Variants in ABCC1 observed in about 807,000 individuals in gnomAD.
ABCC1 encodes multidrug resistance-associated protein 1.
In ABCC1, 83 loss-of-function variants were observed where a neutral mutation model predicts 172.9. The ratio of observed to expected loss-of-function variants is 0.48; its 90% confidence interval spans 0.40 to 0.58. The LOEUF (loss-of-function observed/expected upper bound fraction) is 0.58. ABCC1 is among the 20% of genes least tolerant of loss of function. The pLI is 0.00. For synonymous variants in ABCC1, 937 were observed against 825.2 expected (o/e 1.14, Z -2.32); for missense variants, 1,817 against 2,002.7 (o/e 0.91, Z 1.77).
At chr16:15,972,701 G>T (rs1263950862) in intron 1 of ABCC1, among the ~76,000 whole-genome samples, 1 of 151,136 alleles carries the variant, frequency 6.6e-6, no homozygotes, top group Admixed American at 6.6e-5. Context: ...TGAGCATTTG[G>T]TTTTATGCTT....
rs372462783 is a variant in ABCC1, at chr16:16,078,581, C to T, written c.1989-771C>T. Among the ~76,000 whole-genome samples the T allele has an allele frequency of 1.3e-4, 20 of 152,314 alleles. No homozygotes were observed. In the East Asian group the frequency reaches 2.5e-3, roughly 19 times the overall value. On this transcript the variant is annotated intron_variant, in intron 15 of 30. Transcript: ENST00000399410. ...ACTACCTACCTCAGTGCCATCGCAT[C>T]CCTGGTTACACCCTGTGCCTTCACC...
intron 6 of ABCC1, among the ~76,000 whole-genome samples, chr16:16,034,243 G>T (rs1240101450): frequency 6.6e-6 from 1 of 151,124 alleles, no homozygotes; most frequent in Non-Finnish European, 1.5e-5. Context: ...GCCCAGGCTG[G>T]TCTCCAGCTT....
chr16:16,129,071 G>A (rs925775505), intron 26 of ABCC1, among the ~76,000 whole-genome samples: 3 of 152,178 alleles, frequency 2.0e-5, no homozygotes. Context: ...CTCCTCTCCA[G>A]AGAGAGGCCC....
chr16:15,970,595 A>G (rs2046345086), intron 1 of ABCC1, among the ~76,000 whole-genome samples: 2 of 150,226 alleles, frequency 1.3e-5, no homozygotes, highest in African/African-American at 5.1e-5. Flanking sequence ...CTGTGGCTGG[A>G]GTCAAAGAGT....
chr16:16,024,120 C>T (rs2048288317), intron 5 of ABCC1, among the ~76,000 whole-genome samples: 1 of 151,976 alleles, frequency 6.6e-6, no homozygotes, highest in African/African-American at 2.4e-5. Context: ...TCGGGAGGCT[C>T]AGGCAGGAGA....
intron 19 of ABCC1, among the ~76,000 whole-genome samples, chr16:16,092,363 A>G (rs2051289258): frequency 6.6e-6 from 1 of 152,158 alleles, no homozygotes; most frequent in African/African-American, 2.4e-5. Flanking sequence ...AAGAAACCCC[A>G]ATCCATCAGC....
intron 3 of ABCC1, among the ~76,000 whole-genome samples, chr16:16,013,180 C>A (rs1349724747): frequency 6.6e-6 from 1 of 152,026 alleles, no homozygotes; most frequent in Non-Finnish European, 1.5e-5. Context: ...ACCAGCTCAG[C>A]TGTGAATGTG....
At chr16:16,049,101 A>G (rs192909130) in intron 10 of ABCC1, among the ~76,000 whole-genome samples, 12 of 152,276 alleles carry the variant, frequency 7.9e-5, no homozygotes, top group Admixed American at 2.6e-4. Flanking sequence ...CAATGTTGTC[A>G]GTACTCAGTT....
intron 13 of ABCC1, among the ~76,000 whole-genome samples, chr16:16,070,208 A>C (rs35613): frequency 0.82 from 124,141 of 151,696 alleles, 50,875 homozygotes; most frequent in Non-Finnish European, 0.84. Flanking sequence ...GAGACCCTTA[A>C]TCTACAAAAA....
intron 6 of ABCC1, among the ~76,000 whole-genome samples, chr16:16,034,059 G>T (rs193538): frequency 0.63 from 81,736 of 128,974 alleles, 26,009 homozygotes; most frequent in East Asian, 0.74. Context: ...ACAGGCTTTC[G>T]CTCTGTCGCT....
chr16:15,950,286 C>A (rs1441406932), intron 1 of ABCC1, among the ~76,000 whole-genome samples: 1 of 152,102 alleles, frequency 6.6e-6, no homozygotes, highest in Non-Finnish European at 1.5e-5. Flanking sequence ...TTCATTGTCT[C>A]CCCAAAGTTG....
At chr16:16,063,285 T>G (rs1468992432) in intron 12 of ABCC1, among the ~76,000 whole-genome samples, 7 of 152,084 alleles carry the variant, frequency 4.6e-5, no homozygotes, top group African/African-American at 1.4e-4. Context: ...TTTTTGTCTT[T>G]TTAGTAGAGA....
At chr16:16,137,016 T>C (rs1437224300) in intron 29 of ABCC1, among the ~76,000 whole-genome samples, 1 of 152,192 alleles carries the variant, frequency 6.6e-6, no homozygotes, top group East Asian at 1.9e-4. Context: ...ACCAGGATCC[T>C]GGAGCTCTGT....
Position 16,083,414 on chromosome 16 carries a change from C to T in ABCC1, c.2164C>T (p.Leu722Phe). Residue 722 changes from leucine (L) to phenylalanine (F), a missense_variant, in exon 17 of 31, where the codon CTC becomes TTC. This residue lies in a region of ABCC1 where 1,412 missense variants were observed against 1,600.3 expected (regional missense o/e 0.88). Coordinates refer to ENST00000399410, the MANE Select transcript of ABCC1 (RefSeq NM_004996.4). ...PQQAWIQNDS[L>F]RENILFGCQL... ...GCAGGCCTGGATTCAGAATGATTCT[C>T]TCCGAGAAAACATCCTTTTTGGATG... 6.2e-7 allele frequency: 1 copy of T among 1,613,894 alleles called. No individual in the cohort carries two copies. Among genetic ancestry groups the T allele is most frequent in the African/African-American group, 1.3e-5 (1 of 75,038 alleles).
intron 1 of ABCC1, among the ~76,000 whole-genome samples, chr16:15,974,973 G>A (rs2046450431): frequency 6.6e-6 from 1 of 152,066 alleles, no homozygotes; most frequent in Non-Finnish European, 1.5e-5. Context: ...TTTTAATAGA[G>A]ACAGGGTTTC....
chr16:15,976,298 G>A (rs530539327), intron 1 of ABCC1, among the ~76,000 whole-genome samples: 10 of 152,168 alleles, frequency 6.6e-5, no homozygotes, highest in South Asian at 4.2e-4. Flanking sequence ...GAGAAAAGGC[G>A]GATCGTTAAG....
chr16:16,122,711 TAAAAA>T (rs34383577), intron 24 of ABCC1, among the ~76,000 whole-genome samples: 7 of 116,248 alleles, frequency 6.0e-5, no homozygotes, highest in South Asian at 3.1e-4. Flanking sequence ...CCATCTCTCT[TAAAAA>T]AAAAAAAAAA....
At chr16:15,966,194 C>G (rs959361351) in intron 1 of ABCC1, among the ~76,000 whole-genome samples, 1 of 151,970 alleles carries the variant, frequency 6.6e-6, no homozygotes, top group African/African-American at 2.4e-5. Flanking sequence ...GTGGGCGGAT[C>G]ACGAGGTCAG....
intron 22 of ABCC1, among the ~76,000 whole-genome samples, chr16:16,113,318 C>T (rs374828302): frequency 4.6e-5 from 7 of 152,220 alleles, no homozygotes; most frequent in African/African-American, 1.4e-4. Context: ...CTGTCTGGTG[C>T]GGTAGTCACA....
Sources: gnomAD v4.1 joint callset for allele counts (sites outside exome capture counted in the v4.1 genomes callset) on GRCh38, gnomAD v4.1.1 for gene constraint, gnomAD v4.1.1 regional missense constraint, MANE v1.5 for transcripts, NCBI Gene and HGNC (gene_info 2026-07-23, HGNC 2026-07-21) for gene names.